PRTG: variants seen among roughly 807,000 people sequenced by gnomAD.
PRTG encodes the protein immunoglobulin superfamily, DCC subclass, member 5.
In PRTG, 67 loss-of-function variants were observed where a neutral mutation model predicts 122.5. That is an observed-to-expected ratio of 0.55 (90% CI 0.45 to 0.67). The LOEUF (loss-of-function observed/expected upper bound fraction) is 0.67. Ranked by LOEUF, PRTG falls within the 30% of genes least tolerant of loss-of-function variation. The pLI is 0.00. For synonymous variants in PRTG, 554 were observed against 501.1 expected, an observed-to-expected ratio of 1.11 and a Z score of -1.41; for missense variants, 1,435 against 1,415.4, an observed-to-expected ratio of 1.01 and a Z score of -0.22.
chr15:55,642,140 G>GTCCGCAT (rs2059294609), intron 11 of PRTG, among the ~76,000 whole-genome samples: 1 of 131,364 alleles, frequency 7.6e-6, no homozygotes, highest in African/African-American at 3.3e-5. Context: ...CGCCACTGCA[G>GTCCGCAT]TCCGCAGTCC....
At chr15:55,674,687 G>A (rs634066) in intron 9 of PRTG, among the ~76,000 whole-genome samples, 6 of 151,892 alleles carry the variant, frequency 4.0e-5, no homozygotes, top group African/African-American at 1.5e-4. Flanking sequence ...AAGAGATCTG[G>A]GACTAAATGG....
At chr15:55,640,641 CT>C (rs1471202731) in intron 12 of PRTG, among the ~76,000 whole-genome samples, 1 of 152,136 alleles carries the variant, frequency 6.6e-6, no homozygotes, top group Non-Finnish European at 1.5e-5. Context: ...GTCTAATGGT[CT>C]TTTGTATGCA....
chr15:55,707,944 A>T (rs1178853085), intron 2 of PRTG, among the ~76,000 whole-genome samples: 2 of 152,162 alleles, frequency 1.3e-5, no homozygotes, highest in Non-Finnish European at 1.5e-5. Context: ...GTTTCTTTCA[A>T]GGAAATGATC....
At chr15:55,714,613 T>A (rs1567111865) in intron 2 of PRTG, among the ~76,000 whole-genome samples, 1 of 152,084 alleles carries the variant, frequency 6.6e-6, no homozygotes, top group Non-Finnish European at 1.5e-5. Flanking sequence ...TTTCCCCTCC[T>A]TATGCATCAA....
intron 11 of PRTG, among the ~76,000 whole-genome samples, chr15:55,663,281 C>A (rs2059419786): frequency 6.6e-6 from 1 of 152,152 alleles, no homozygotes; most frequent in African/African-American, 2.4e-5. Flanking sequence ...GGCTGGAGAG[C>A]TGGGATCAAA....
At chr15:55,641,621 T>C (rs577189854) in intron 11 of PRTG, among the ~76,000 whole-genome samples, 2 of 152,360 alleles carry the variant, frequency 1.3e-5, no homozygotes, top group South Asian at 2.1e-4. Flanking sequence ...CTTCAAAGTA[T>C]GGAAATCAAA....
chr15:55,626,423 G>C (rs2059195224), intron 17 of PRTG, among the ~76,000 whole-genome samples: 1 of 130,656 alleles, frequency 7.7e-6, no homozygotes, highest in Non-Finnish European at 1.7e-5. Context: ...AAAAAAAAAA[G>C]GACACTAGTC....
chr15:55,731,525 C>G (rs1308615847), intron 2 of PRTG, among the ~76,000 whole-genome samples: 1 of 151,898 alleles, frequency 6.6e-6, no homozygotes, highest in Admixed American at 6.6e-5. Context: ...CACACACCAC[C>G]ACACCCAGAT....
intron 11 of PRTG, among the ~76,000 whole-genome samples, chr15:55,642,180 C>CAAAAAAAA (rs761440348): frequency 1.5e-5 from 1 of 66,762 alleles, no homozygotes; most frequent in African/African-American, 5.1e-5. Flanking sequence ...GACTCCGTCT[C>CAAAAAAAA]AAAAAAAAAA....
chr15:55,637,197 C>G lies in PRTG; in HGVS notation c.2596G>C (p.Gly866Arg), dbSNP rs2059262203. The G allele has an allele frequency of 6.2e-7, 1 of 1,604,504 alleles. No individual in the cohort carries two copies. The highest frequency in any genetic ancestry group is 1.3e-5 in the African/African-American group (1 of 74,644). Residue 866 changes from glycine (G) to arginine (R), a missense_variant, in exon 15 of 20, where the codon GGA becomes CGA. Physicochemically the swap from Gly to Arg is moderately radical, Grantham distance 125. Transcript: ENST00000389286. ...TCACGGTGTAAGACCTGCCACTCTC[C>G]TGCAATCCAGGCCTTCCTAGATGCA... Reference protein sequence around the residue: ...LYASRKAWIAGEWQVLHREGA... With the variant: ...LYASRKAWIAREWQVLHREGA...
At position 55,660,503 on chromosome 15, in the gene PRTG, T is replaced by G. The variant is rs565641715; in HGVS notation, c.2041+11942A>C. ...TTAATGGACAGTATTGATTTAATTT[T>G]CTACAAGAGTTCTTCCTTCTCTAAG... On this transcript the variant is annotated intron_variant, in intron 11 of 19. Coordinates refer to ENST00000389286, the MANE Select transcript of PRTG (RefSeq NM_173814.6). 5.9e-5 allele frequency among the ~76,000 whole-genome samples: 9 copies of G among 152,372 alleles called. No homozygotes were observed. In the South Asian group the frequency reaches 1.9e-3, roughly 32 times the overall value.
intron 2 of PRTG, among the ~76,000 whole-genome samples, chr15:55,720,026 T>C (rs2030752911): frequency 6.6e-6 from 1 of 151,958 alleles, no homozygotes; most frequent in African/African-American, 2.4e-5. Context: ...GCCATTGCAC[T>C]CCAGCCTGGG....
At chr15:55,632,828 G>A (rs636050) in intron 15 of PRTG, among the ~76,000 whole-genome samples, 148,681 of 152,326 alleles carry the variant, frequency 0.98, 72,675 homozygotes, top group East Asian at 1. Context: ...ACAAGCTCCA[G>A]TGGAGGTAGG....
Position 55,629,022 on chromosome 15 carries a change from A to G in PRTG, c.2624-18T>C. On this transcript the variant is annotated intron_variant, in intron 15 of 19. Transcript: ENST00000389286. ...TATTGCCCCTAGAAATACATCAATT[A>G]CAAATTAAGTGAACATTTATCTTTT... 1 of 1,540,006 alleles carries G rather than the reference A, an allele frequency of 6.5e-7. No homozygotes were observed. Among genetic ancestry groups the G allele is most frequent in the Non-Finnish European group, 8.9e-7 (1 of 1,128,200 alleles).
chr15:55,714,468 G>A (rs912881346), intron 2 of PRTG, among the ~76,000 whole-genome samples: 1 of 151,584 alleles, frequency 6.6e-6, no homozygotes, highest in Non-Finnish European at 1.5e-5. Context: ...TGGCCTCAAG[G>A]GATCCTTCTG....
intron 2 of PRTG, among the ~76,000 whole-genome samples, chr15:55,707,248 G>A (rs960660674): frequency 6.6e-6 from 1 of 152,082 alleles, no homozygotes; most frequent in African/African-American, 2.4e-5. Context: ...GGCTCCTAAG[G>A]TTAAGAACAT....
In PRTG at chr15:55,682,388, C is replaced by G. The variant is rs748726154; in HGVS notation, c.652G>C (p.Glu218Gln). Residue 218 changes from glutamate (E) to glutamine (Q), a missense_variant, in exon 4 of 20, where the codon GAG (glutamate) becomes CAG (glutamine). Coordinates refer to ENST00000389286, the MANE Select transcript of PRTG (RefSeq NM_173814.6). ...ATVAHRRKSM[E>Q]ASLTVIPAKE... ...CCTGGAATCACAGTTAGCGAGGCCT[C>G]CATACTTTTACGTCGGTGGGCTACA... 12 of 1,603,090 alleles carry G rather than the reference C, an allele frequency of 7.5e-6. No homozygotes were observed. Among genetic ancestry groups the G allele is most frequent in the Non-Finnish European group, 1.0e-5 (12 of 1,173,732 alleles).
intron 4 of PRTG, 88 bp from the exon 5 acceptor site, chr15:55,680,716 ACTTTT>A (rs1416813031): frequency 7.8e-6 from 7 of 898,714 alleles, no homozygotes; most frequent in African/African-American, 3.5e-5. Flanking sequence ...CTTATCACTC[ACTTTT>A]CTTTTTTTAA....
chr15:55,657,563 T>C (rs993523587), intron 11 of PRTG, among the ~76,000 whole-genome samples: 2 of 152,216 alleles, frequency 1.3e-5, no homozygotes. Context: ...ATAGAGATTC[T>C]TCAACTATTT....
Sources: allele counts gnomAD v4.1 joint callset (sites outside exome capture counted in the v4.1 genomes callset), GRCh38; gene constraint gnomAD v4.1.1; transcripts MANE v1.5; gene names NCBI Gene and HGNC (gene_info 2026-07-23, HGNC 2026-07-21).